The following SETBP1 variants were observed in gnomAD, a reference collection of about 807,000 sequenced individuals.
SETBP1 encodes the protein SET binding protein 1.
SETBP1 carries 9 observed loss-of-function variants against 101.0 expected under a neutral mutation model. The ratio of observed to expected loss-of-function variants is 0.09; its 90% CI spans 0.05 to 0.16. The LOEUF (loss-of-function observed/expected upper bound fraction) is 0.16. Among genes scored for constraint, SETBP1 ranks in the 10% least tolerant of loss-of-function variants. The pLI is 1.00. For synonymous variants in SETBP1, 818 were observed against 788.5 expected (o/e 1.04, Z -0.63); for missense variants, 1,858 against 2,033.8 (o/e 0.91, Z 1.66).
rs545226742 is a variant in SETBP1 at position 44,967,907 on chromosome 18, A to G, written c.4000+14567A>G. The stretch of plus-strand genomic sequence containing the variant: ...CTCTCTCTCAGAACACCTTGCAGAG[A>G]GGAAGATCCTAGCATTTTGCCTCAT... On this transcript the variant is annotated intron_variant, in intron 4 of 5. Transcript: ENST00000649279. Among the ~76,000 whole-genome samples, 4 of 152,286 alleles carry G rather than the reference A, an allele frequency of 2.6e-5. No individual in the cohort carries two copies. The South Asian group carries it at 8.3e-4, about 32-fold the overall frequency.
intron 3 of SETBP1, among the ~76,000 whole-genome samples, chr18:44,905,979 T>C (rs2070165482): frequency 6.6e-6 from 1 of 152,220 alleles, no homozygotes; most frequent in Non-Finnish European, 1.5e-5. Context: ...TTACCATAGG[T>C]GTCCTCATAG....
At position 45,063,108 on chromosome 18, in the gene SETBP1, C is replaced by T; in HGVS notation, c.4201C>T (p.Arg1401Trp). The T allele has an allele frequency of 3.1e-6, 5 of 1,613,978 alleles. No individual in the cohort carries two copies. Among genetic ancestry groups the T allele is most frequent in the Non-Finnish European group, 4.2e-6 (5 of 1,180,000 alleles). ...CTCCTCCCTGAAGAAGAGGTTCAAG[C>T]GGCGGGAGATCGAAGCCATCCAGTG... ...VGSSLKKRFK[R>W]REIEAIQCEV... Residue 1401 changes from arginine to tryptophan, a missense_variant, in exon 6 of 6, where the codon CGG becomes TGG. Arg to Trp is a moderately radical substitution (Grantham distance 101). Transcript: ENST00000649279.
At chr18:44,756,444 G>A (rs555538878) in intron 2 of SETBP1, among the ~76,000 whole-genome samples, 30 of 152,216 alleles carry the variant, frequency 2.0e-4, no homozygotes, top group African/African-American at 7.0e-4. Flanking sequence ...CAGCCTTCTG[G>A]GATCACAGTG....
rs547246945 is a variant in SETBP1 at position 44,783,029 on chromosome 18, A to G, written c.486+81197A>G. Among the ~76,000 whole-genome samples the G allele has an allele frequency of 9.2e-5, 14 of 152,326 alleles. No homozygotes were observed. The South Asian group carries it at 2.9e-3, about 32-fold the overall frequency. On this transcript the variant is annotated intron_variant, in intron 2 of 5. Transcript: ENST00000649279. Reference sequence around the variant, plus strand: ...TCACTGAACTGAAGTCTGAATATCTAGATTTCTGGGAATTTGGACTAGGCA... The same window carrying G: ...TCACTGAACTGAAGTCTGAATATCTGGATTTCTGGGAATTTGGACTAGGCA...
intron 2 of SETBP1, among the ~76,000 whole-genome samples, chr18:44,826,788 G>A (rs1259525640): frequency 1.3e-5 from 2 of 152,148 alleles, no homozygotes; most frequent in Non-Finnish European, 2.9e-5. Flanking sequence ...AGGAACCAAG[G>A]AATGATTCCA....
At chr18:44,985,096 A>T (rs1302845486) in intron 4 of SETBP1, among the ~76,000 whole-genome samples, 1 of 152,196 alleles carries the variant, frequency 6.6e-6, no homozygotes, top group Non-Finnish European at 1.5e-5. Context: ...AGCGGAGATC[A>T]TGCCATTGCA....
chr18:44,889,292 A>T (rs964915986), intron 3 of SETBP1, among the ~76,000 whole-genome samples: 9 of 152,134 alleles, frequency 5.9e-5, no homozygotes, highest in Non-Finnish European at 1.2e-4. Context: ...GAAGTTAGTT[A>T]TCTTTGTACT....
chr18:44,927,334 G>A (rs1485422233), intron 3 of SETBP1, among the ~76,000 whole-genome samples: 1 of 152,162 alleles, frequency 6.6e-6, no homozygotes, highest in Non-Finnish European at 1.5e-5. Context: ...ACTGCCCACA[G>A]ACAGGCGCCA....
chr18:44,736,657 A>G (rs937624328), intron 2 of SETBP1, among the ~76,000 whole-genome samples: 7 of 152,194 alleles, frequency 4.6e-5, no homozygotes, highest in African/African-American at 1.7e-4. Context: ...ATTATATACA[A>G]TATGATGTTG....
At chr18:44,838,962 C>G (rs745996172) in intron 2 of SETBP1, among the ~76,000 whole-genome samples, 1 of 151,904 alleles carries the variant, frequency 6.6e-6, no homozygotes, top group Non-Finnish European at 1.5e-5. Context: ...GAAATAAGCT[C>G]TTTAAAACTA....
chr18:44,975,901 C>A (rs893271442), intron 4 of SETBP1, among the ~76,000 whole-genome samples: 25 of 152,214 alleles, frequency 1.6e-4, no homozygotes, highest in African/African-American at 4.8e-4. Flanking sequence ...AGTGTCCTTG[C>A]TGACATGAAG....
chr18:44,738,940 T>C (rs185656772), intron 2 of SETBP1, among the ~76,000 whole-genome samples: 51 of 152,288 alleles, frequency 3.3e-4, no homozygotes, highest in African/African-American at 1.1e-3. Flanking sequence ...GAAATGGGCC[T>C]CACTGGGCTC....
chr18:44,698,439 G>C (rs1350020182), intron 1 of SETBP1, among the ~76,000 whole-genome samples: 1 of 152,104 alleles, frequency 6.6e-6, no homozygotes. Flanking sequence ...TTTATTTCCA[G>C]CCTCACCTCT....
chr18:45,061,251 C>T (rs549822275), intron 5 of SETBP1, among the ~76,000 whole-genome samples: 24 of 152,248 alleles, frequency 1.6e-4, no homozygotes, highest in South Asian at 6.2e-4. Flanking sequence ...CTAGGGAATA[C>T]GACTACAAGG....
chr18:44,877,504 G>A (rs1175919232), intron 3 of SETBP1: 10 of 335,186 alleles, frequency 3.0e-5, no homozygotes, highest in African/African-American at 8.9e-5. Context: ...GGTTCCACTC[G>A]TAACAGTATC....
intron 2 of SETBP1, among the ~76,000 whole-genome samples, chr18:44,769,669 A>G (rs2070832059): frequency 6.6e-6 from 1 of 152,242 alleles, no homozygotes; most frequent in African/African-American, 2.4e-5. Context: ...CTTTCCCATA[A>G]CTATTCTTAT....
At chr18:44,733,535 T>A (rs2069886233) in intron 2 of SETBP1, among the ~76,000 whole-genome samples, 1 of 152,180 alleles carries the variant, frequency 6.6e-6, no homozygotes, top group African/African-American at 2.4e-5. Flanking sequence ...ACCAGGCCCA[T>A]GCAAGTCCAC....
chr18:44,703,047 C>T (rs996179275), intron 2 of SETBP1, among the ~76,000 whole-genome samples: 11 of 152,216 alleles, frequency 7.2e-5, no homozygotes, highest in Admixed American at 5.9e-4. Flanking sequence ...CAGTGACTTA[C>T]AGTGACCTCC....
At chr18:44,896,441 T>G (rs946654554) in intron 3 of SETBP1, among the ~76,000 whole-genome samples, 3 of 152,222 alleles carry the variant, frequency 2.0e-5, no homozygotes, top group Non-Finnish European at 4.4e-5. Context: ...CTTCTGTGCC[T>G]TGGCCCTTGA....
Sources: gnomAD v4.1 joint callset for allele counts (sites outside exome capture counted in the v4.1 genomes callset) on GRCh38, gnomAD v4.1.1 for gene constraint, MANE v1.5 for transcripts, NCBI Gene and HGNC (gene_info 2026-07-23, HGNC 2026-07-21) for gene names.